The following SLC22A11 variants were observed in gnomAD, a reference collection of about 807,000 sequenced individuals.
SLC22A11 encodes the protein organic anion transporter 4.
In SLC22A11, 42 loss-of-function variants were observed where a neutral mutation model predicts 49.4. The observed-to-expected ratio is 0.85, with a 90% confidence interval of 0.66 to 1.10. The LOEUF (loss-of-function observed/expected upper bound fraction) is 1.10, where lower values mean the gene tolerates loss of function less well. Ranked by LOEUF, SLC22A11 falls within the 50% of genes least tolerant of loss-of-function variation. The pLI, the probability that SLC22A11 is intolerant of heterozygous loss-of-function variation, is 0.00. For missense variants in SLC22A11, 685 were observed against 731.6 expected, an observed-to-expected ratio of 0.94 and a Z score of 0.74; for synonymous variants, 304 against 315.8, an observed-to-expected ratio of 0.96 and a Z score of 0.40.
intron 6 of SLC22A11, 58 bp from the exon 7 acceptor site, chr11:64,567,541 C>A: frequency 1.3e-6 from 2 of 1,527,716 alleles, no homozygotes; most frequent in Non-Finnish European, 1.8e-6. Context: ...GGTGCTGTTG[C>A]TGTTGGGGTG....
chr11:64,569,627 T>A, intron 8 of SLC22A11, 25 bp from the exon 9 acceptor site: 1 of 1,605,714 alleles, frequency 6.2e-7, no homozygotes, highest in Non-Finnish European at 8.5e-7. Flanking sequence ...GTTACAGGGA[T>A]CTGGGCCCTC....
chr11:64,555,959 C>A lies in SLC22A11; in HGVS notation c.-41C>A. 1 of 1,548,352 alleles carries A rather than the reference C, an allele frequency of 6.5e-7. No individual in the cohort carries two copies. The highest frequency in any genetic ancestry group is 1.9e-5 in the Admixed American group (1 of 53,826). On this transcript the variant is annotated 5_prime_UTR_variant, in exon 1 of 10. Transcript: ENST00000301891. ...TGTGGCTGCAATCGGTTCCAAACAG[C>A]AGTTAGGTCAGCAGTCCGCTCAGCC...
rs749073330 is a variant in SLC22A11 at position 64,562,068 on chromosome 11, A to G, written c.562A>G (p.Ile188Val). Residue 188 changes from isoleucine (I) to valine (V), a missense_variant, in exon 3 of 10, where the codon ATC (isoleucine) becomes GTC (valine). Physicochemically the swap from Ile to Val is conservative, Grantham distance 29. Coordinates refer to ENST00000301891, the MANE Select transcript of SLC22A11 (RefSeq NM_018484.4). The surrounding 1 kb of genome is among the most constrained non-coding windows in gnomAD (Gnocchi z 4.4). ...GTTGGCCGTGGCGGGCACCAGCACC[A>G]TCTTCGCCCCAACATTCGTCATCTA... ...LQLAVAGTST[I>V]FAPTFVIYCG... The G allele has an allele frequency of 3.7e-6, 6 of 1,613,816 alleles. No homozygotes were observed. Among genetic ancestry groups the G allele is most frequent in the South Asian group, 2.2e-5 (2 of 91,086 alleles).
In SLC22A11 at chr11:64,570,962, T is replaced by C; in HGVS notation, c.1590-17T>C. The C allele has an allele frequency of 1.2e-6, 2 of 1,614,160 alleles. No homozygotes were observed. The highest frequency in any genetic ancestry group is 2.2e-5 in the East Asian group (1 of 44,888). ...CCACTTCACCACATGGCACTGCTTT[T>C]CTTTGGATTATTCTAGGAAATCAAC... On this transcript the variant is annotated splice_polypyrimidine_tract_variant and intron_variant, in intron 9 of 9. Coordinates refer to ENST00000301891, the MANE Select transcript of SLC22A11 (RefSeq NM_018484.4).
rs1288346702 is a variant in SLC22A11, at chr11:64,565,326, G to A, written c.1047G>A (p.Met349Ile). The A allele has an allele frequency of 1.3e-6, 2 of 1,549,688 alleles. No homozygotes were observed. The change falls in exon 6 of 10, where the codon ATG (methionine) becomes ATA (isoleucine). Residue 349 changes from methionine (M) to isoleucine (I), a missense_variant. Physicochemically the swap from Met to Ile is conservative, Grantham distance 10 (BLOSUM62 1). Transcript: ENST00000301891. This position sits in a 1 kb window ranked among gnomAD's most constrained non-coding sequence, Gnocchi z 4.1. ...VPVLRWRSCA[M>I]LVVNFSLLIS... is the part of the protein sequence containing the mutation. The stretch of plus-strand genomic sequence containing the variant: ...TGCTCCGCTGGAGGAGCTGCGCCAT[G>A]CTGGTGGTGAAGTACGCCGTCCTGG...
In SLC22A11 at chr11:64,565,784, T is replaced by C. The variant is rs2038617076; in HGVS notation, c.1058+447T>C. 1 of 343,304 alleles carries C rather than the reference T, an allele frequency of 2.9e-6. No homozygotes were observed. Among genetic ancestry groups the C allele is most frequent in the Non-Finnish European group, 5.8e-6 (1 of 171,744 alleles). The allele number at this position is 343,304 out of a possible 1,614,324, so 21.3% of individuals were successfully genotyped here. A position where few individuals can be genotyped will look rare whatever the true frequency, so the allele number is the denominator to read the frequency against. ...CCTCCATGCAACCCCACTTCACTGA[T>C]GGGGAAAGAGGATCCCAGAGGGGTA... On this transcript the variant is annotated intron_variant, in intron 6 of 9. Transcript: ENST00000301891. The surrounding 1 kb of genome is among the most constrained non-coding windows in gnomAD (Gnocchi z 4.1).
rs368522762 is a variant in SLC22A11 at position 64,568,770 on chromosome 11, G to A, written c.1374G>A (p.Thr458=). The change falls in exon 8 of 10, where the codon ACG becomes ACA. Residue 458 remains threonine (T), a synonymous_variant. Coordinates refer to ENST00000301891, the MANE Select transcript of SLC22A11 (RefSeq NM_018484.4). ...LTIYKAELFP[T]PVRMTADGIL... ...TCTACAAGGCTGAACTCTTTCCAAC[G>A]CCAGTGCGGTAAGCTGGGCTGCAGG... 26 of 1,613,456 alleles carry A rather than the reference G, an allele frequency of 1.6e-5. No individual in the cohort carries two copies. The highest frequency in any genetic ancestry group is 2.2e-5 in the East Asian group (1 of 44,886).
In SLC22A11 at chr11:64,569,692, G is replaced by A; in HGVS notation, c.1423G>A (p.Gly475Arg). 6.2e-7 allele frequency: 1 copy of A among 1,614,122 alleles called. No homozygotes were observed. Among genetic ancestry groups the A allele is most frequent in the Non-Finnish European group, 8.5e-7 (1 of 1,180,008 alleles). Residue 475 changes from glycine to arginine, a missense_variant, in exon 9 of 10, where the codon GGG (glycine) becomes AGG (arginine). Coordinates refer to ENST00000301891, the MANE Select transcript of SLC22A11 (RefSeq NM_018484.4). Reference sequence around the variant, plus strand: ...CATTCTGCATACAGTGGGCCGGCTGGGGGCTATGATGGGTCCCCTGATCCT... The same window carrying A: ...CATTCTGCATACAGTGGGCCGGCTGAGGGCTATGATGGGTCCCCTGATCCT... ...DGILHTVGRLGAMMGPLILMS... is the reference protein window; with the variant it reads ...DGILHTVGRLRAMMGPLILMS...
At chr11:64,568,469 C>T (rs1213036973) in intron 7 of SLC22A11, among the ~76,000 whole-genome samples, 1 of 152,218 alleles carries the variant, frequency 6.6e-6, no homozygotes, top group Non-Finnish European at 1.5e-5. Flanking sequence ...CTGCCTGTGC[C>T]CCTCGGGCCC....
chr11:64,565,874 G>A lies in SLC22A11; in HGVS notation c.1058+537G>A, dbSNP rs2038618576. 1.3e-5 allele frequency: 3 copies of A among 237,556 alleles called. No homozygotes were observed. The highest frequency in any genetic ancestry group is 2.6e-5 in the Non-Finnish European group (3 of 116,484). The allele number at this position is 237,556 out of a possible 1,614,324, so 14.7% of individuals were successfully genotyped here. On this transcript the variant is annotated intron_variant, in intron 6 of 9. Coordinates refer to ENST00000301891, the MANE Select transcript of SLC22A11 (RefSeq NM_018484.4). This position sits in a 1 kb window ranked among gnomAD's most constrained non-coding sequence, Gnocchi z 4.1. ...GGCTGAGCTAACACTTGGCTTACCG[G>A]CACTGTCACTGCCAGGGCCCGCGCG...
intron 1 of SLC22A11, 128 bp downstream of exon 1, chr11:64,556,520 T>A (rs2038462585): frequency 1.4e-6 from 2 of 1,402,738 alleles, no homozygotes. Flanking sequence ...CAGCCCCTCG[T>A]CAGCCACACA....
intron 6 of SLC22A11, among the ~76,000 whole-genome samples, chr11:64,567,301 G>A (rs989165289): frequency 6.6e-6 from 1 of 152,212 alleles, no homozygotes; most frequent in Admixed American, 6.5e-5. Flanking sequence ...AGAGGCCCCC[G>A]AGGGCAGACT....
intron 1 of SLC22A11, among the ~76,000 whole-genome samples, chr11:64,558,049 C>A (rs113619702): frequency 6.6e-6 from 1 of 152,002 alleles, no homozygotes; most frequent in Non-Finnish European, 1.5e-5. Flanking sequence ...CCACCCGCCT[C>A]GGCCTCCCAA....
At position 64,562,158 on chromosome 11, in the gene SLC22A11, A is replaced by C; in HGVS notation, c.652A>C (p.Met218Leu). 6.2e-7 allele frequency: 1 copy of C among 1,613,390 alleles called. No individual in the cohort carries two copies. The highest frequency in any genetic ancestry group is 8.5e-7 in the Non-Finnish European group (1 of 1,179,856). Reference sequence around the variant, plus strand: ...CATCTTTCTGAGTTCACTGACACTGAGTGAGTCCCCGGCTCAGCGCGCTCC... The same window carrying C: ...CATCTTTCTGAGTTCACTGACACTGCGTGAGTCCCCGGCTCAGCGCGCTCC... The part of the protein sequence containing the change: ...AGIFLSSLTL[M>L]VEWTTTSRRA... Residue 218 changes from methionine (M) to leucine (L), a missense_variant and splice_region_variant, in exon 3 of 10, where the codon ATG becomes CTG. Transcript: ENST00000301891. The surrounding 1 kb of genome is among the most constrained non-coding windows in gnomAD (Gnocchi z 4.4).
In SLC22A11 at chr11:64,565,555, T is replaced by C. The variant is rs2038613950; in HGVS notation, c.1058+218T>C. On this transcript the variant is annotated intron_variant, in intron 6 of 9. Transcript: ENST00000301891. The surrounding 1 kb of genome is among the most constrained non-coding windows in gnomAD (Gnocchi z 4.1). ...CAGGTGGGATCTGGAGGCTGCCATC[T>C]GCAGGAAGCCAGAGGAAAAGGCAGC... The C allele has an allele frequency of 3.2e-6, 2 of 628,202 alleles. No homozygotes were observed. The highest frequency in any genetic ancestry group is 5.9e-6 in the Non-Finnish European group (2 of 337,942). 38.9% of individuals were successfully genotyped at this position (628,202 alleles called of 1,614,324 possible).
At position 64,565,094 on chromosome 11, in the gene SLC22A11, A is replaced by G; in HGVS notation, c.943-128A>G. 1 of 693,336 alleles carries G rather than the reference A, an allele frequency of 1.4e-6. No individual in the cohort carries two copies. 42.9% of individuals were successfully genotyped at this position (693,336 alleles called of 1,614,324 possible). A position where few individuals can be genotyped will look rare whatever the true frequency, so the allele number is the denominator to read the frequency against. ...TCCCCTCCCCTTCCCCTAGGGATCC[A>G]GCTTCCAGAGGCCGAGGCCCAGGAC... is the stretch of plus-strand genomic sequence containing the variant. On this transcript the variant is annotated intron_variant, in intron 5 of 9. Transcript: ENST00000301891. The surrounding 1 kb of genome is among the most constrained non-coding windows in gnomAD (Gnocchi z 4.1).
At chr11:64,568,638 A>C (rs1423264744) in intron 7 of SLC22A11, 32 bp from the exon 8 acceptor site, 2 of 1,593,462 alleles carry the variant, frequency 1.3e-6, no homozygotes, top group Non-Finnish European at 8.6e-7. Context: ...CCTCCAGGGC[A>C]AACCCCACTC....
rs201647132 is a variant in SLC22A11 at position 64,564,245 on chromosome 11, TTC to T, written c.822-62_822-61del. 5.2e-4 allele frequency: 840 copies of T among 1,602,710 alleles called. 10 individuals carry two copies. In the East Asian group the frequency reaches 0.018, roughly 34 times the overall value. On this transcript the variant is annotated intron_variant, in intron 4 of 9. Coordinates refer to ENST00000301891, the MANE Select transcript of SLC22A11 (RefSeq NM_018484.4). This position sits in a 1 kb window ranked among gnomAD's most constrained non-coding sequence, Gnocchi z 4.2. ...TGGAGGGTCCGTGCCCACTGCCCCTTTCCACCCCGCCCCGGGGGAGAGCCCAG... is the reference window on the plus strand; with the variant it reads ...TGGAGGGTCCGTGCCCACTGCCCCTTCACCCCGCCCCGGGGGAGAGCCCAG...
chr11:64,558,625 G>A (rs1028386843), intron 1 of SLC22A11, among the ~76,000 whole-genome samples: 2 of 152,292 alleles, frequency 1.3e-5, no homozygotes, highest in South Asian at 4.1e-4. Context: ...TAGCCCAGCC[G>A]AGGCAGTGGC....
Sources: gnomAD v4.1 joint callset for allele counts (sites outside exome capture counted in the v4.1 genomes callset) on GRCh38, gnomAD v4.1.1 for gene constraint, Gnocchi (gnomAD v3.1) non-coding constraint, MANE v1.5 for transcripts, NCBI Gene and HGNC (gene_info 2026-07-23, HGNC 2026-07-21) for gene names.